Variants in CMTM8 observed in about 807,000 individuals in gnomAD.
CMTM8 encodes the protein CKLF-like MARVEL transmembrane domain-containing protein 8.
Under a neutral mutation model 18.6 loss-of-function variants are expected in CMTM8, and 12 were observed. The ratio of observed to expected loss-of-function variants is 0.65; its 90% CI spans 0.41 to 1.05. The LOEUF (loss-of-function observed/expected upper bound fraction) is 1.05. Among genes scored for constraint, CMTM8 ranks in the 50% least tolerant of loss-of-function variants. The pLI is 0.00. For synonymous variants in CMTM8, 87 were observed against 90.6 expected (o/e 0.96, Z 0.23); for missense variants, 217 against 227.2 (o/e 0.95, Z 0.29).
intron 1 of CMTM8, among the ~76,000 whole-genome samples, chr3:32,296,449 T>C (rs1455642903): frequency 6.6e-6 from 1 of 152,214 alleles, no homozygotes; most frequent in Non-Finnish European, 1.5e-5. Flanking sequence ...GAATAGGAAG[T>C]GGATACATGT....
At chr3:32,249,499 C>A (rs905431158) in intron 1 of CMTM8, among the ~76,000 whole-genome samples, 1 of 151,688 alleles carries the variant, frequency 6.6e-6, no homozygotes, top group Non-Finnish European at 1.5e-5. Context: ...TACTGCTTTA[C>A]AATCCCTGCT....
intron 1 of CMTM8, chr3:32,259,324 C>G: frequency 1.4e-6 from 1 of 723,798 alleles, no homozygotes; most frequent in Non-Finnish European, 2.6e-6. Context: ...TGGGCCATTA[C>G]TTCAAGACCA....
intron 1 of CMTM8, among the ~76,000 whole-genome samples, chr3:32,326,515 C>CTTTTTTTT (rs58555396): frequency 2.6e-4 from 29 of 113,356 alleles, no homozygotes; most frequent in Non-Finnish European, 3.6e-4. Flanking sequence ...TTCTTTCTTT[C>CTTTTTTTT]TTTTTTTTTT....
At chr3:32,258,989 G>T in intron 1 of CMTM8, 1 of 330,450 alleles carries the variant, frequency 3.0e-6, no homozygotes, top group African/African-American at 2.2e-5. Context: ...CAGTCCGTGG[G>T]CTCTGTCCAG....
At chr3:32,298,922 CACATATATATATATATATGT>C (rs1343660545) in intron 1 of CMTM8, among the ~76,000 whole-genome samples, 8 of 139,176 alleles carry the variant, frequency 5.7e-5, no homozygotes, top group Admixed American at 3.6e-4. Context: ...CATACACACA[CACATATATATATATATATGT>C]ATATATATAT....
Position 32,263,416 on chromosome 3 carries a change from A to G in CMTM8, c.147+24297A>G, listed in dbSNP as rs559610473. Reference sequence around the variant, plus strand: ...TGACTGTTAGAAGGAAAACTAACAAACAGAAAGGACATCCACACCAAAACC... The same window carrying G: ...TGACTGTTAGAAGGAAAACTAACAAGCAGAAAGGACATCCACACCAAAACC... On this transcript the variant is annotated intron_variant, in intron 1 of 3. Transcript: ENST00000307526. 8.7e-4 allele frequency among the ~76,000 whole-genome samples: 133 copies of G among 152,326 alleles called. No homozygotes were observed. In the Middle Eastern group the frequency reaches 0.017, roughly 19 times the overall value.
intron 1 of CMTM8, among the ~76,000 whole-genome samples, chr3:32,282,656 C>T (rs1369609922): frequency 6.6e-6 from 1 of 152,130 alleles, no homozygotes; most frequent in African/African-American, 2.4e-5. Flanking sequence ...CCAGAGATAT[C>T]CTGGTAAGAT....
intron 1 of CMTM8, among the ~76,000 whole-genome samples, chr3:32,301,485 A>G (rs1437454111): frequency 1.3e-5 from 2 of 152,164 alleles, no homozygotes; most frequent in Non-Finnish European, 2.9e-5. Context: ...TATATGGGCA[A>G]AAGGATTCCA....
chr3:32,357,654 A>T (rs1696842711), intron 2 of CMTM8, 108 bp downstream of exon 2: 3 of 1,141,072 alleles, frequency 2.6e-6, no homozygotes, highest in Admixed American at 2.2e-5. Context: ...AGGTGGGGCC[A>T]TACCATGGAG....
At chr3:32,368,626 A>G (rs1697092229) in intron 3 of CMTM8, among the ~76,000 whole-genome samples, 1 of 151,932 alleles carries the variant, frequency 6.6e-6, no homozygotes, top group Non-Finnish European at 1.5e-5. Flanking sequence ...ATGCCCAGCT[A>G]ATGTTTTAAC....
At chr3:32,270,200 A>T (rs1559366286) in intron 1 of CMTM8, among the ~76,000 whole-genome samples, 1 of 152,138 alleles carries the variant, frequency 6.6e-6, no homozygotes. Context: ...GATATTATAG[A>T]TGTAAGCCAC....
chr3:32,308,933 G>A (rs1695766988), intron 1 of CMTM8, among the ~76,000 whole-genome samples: 1 of 152,140 alleles, frequency 6.6e-6, no homozygotes, highest in Admixed American at 6.5e-5. Context: ...AGTCATCGTG[G>A]CAGCTCTGTA....
rs750087179 is a variant in CMTM8, at chr3:32,302,206, G to T, written c.148-55167G>T. 6.4e-4 allele frequency among the ~76,000 whole-genome samples: 98 copies of T among 152,044 alleles called. 1 individual carries two copies. Among genetic ancestry groups the T allele is most frequent in the Non-Finnish European group, 1.2e-3 (79 of 67,984 alleles). On this transcript the variant is annotated intron_variant, in intron 1 of 3. Coordinates refer to ENST00000307526, the MANE Select transcript of CMTM8 (RefSeq NM_178868.5). Reference sequence around the variant, plus strand: ...CTACTTGGAGGTGGGGGCTAAGGTGGGAGGACTGCTTGAGCCCAGGAATTG... The same window carrying T: ...CTACTTGGAGGTGGGGGCTAAGGTGTGAGGACTGCTTGAGCCCAGGAATTG...
Position 32,369,896 on chromosome 3 carries a change from C to G in CMTM8, c.451C>G (p.Leu151Val), listed in dbSNP as rs1452492470. Residue 151 changes from leucine (L) to valine (V), a missense_variant, in exon 4 of 4, where the codon CTG (leucine) becomes GTG (valine). Transcript: ENST00000307526. ...SWAASSFFAF[L>V]VTICYAGNTY... Reference sequence around the variant, plus strand: ...TTGTTTTCTCCAGTTCTTTGCCTTCCTGGTCACCATCTGCTACGCTGGAAA... The same window carrying G: ...TTGTTTTCTCCAGTTCTTTGCCTTCGTGGTCACCATCTGCTACGCTGGAAA... 6.2e-7 allele frequency: 1 copy of G among 1,608,508 alleles called. No homozygotes were observed. The highest frequency in any genetic ancestry group is 1.3e-5 in the African/African-American group (1 of 74,854).
chr3:32,345,431 T>C (rs1014536136), intron 1 of CMTM8, among the ~76,000 whole-genome samples: 2 of 152,178 alleles, frequency 1.3e-5, no homozygotes, highest in African/African-American at 4.8e-5. Context: ...GCAAGCACTT[T>C]CCTTCTATAG....
At chr3:32,369,855 CCACTT>C (rs766187665) in intron 3 of CMTM8, 24 bp from the exon 4 acceptor site, 21 of 1,504,556 alleles carry the variant, frequency 1.4e-5, no homozygotes, top group Non-Finnish European at 1.9e-5. Flanking sequence ...GCCCTAAACC[CCACTT>C]CTATTATGCT....
At chr3:32,338,041 T>G (rs1575183124) in intron 1 of CMTM8, among the ~76,000 whole-genome samples, 1 of 148,088 alleles carries the variant, frequency 6.8e-6, no homozygotes, top group Non-Finnish European at 1.5e-5. Context: ...TGGAATGCAG[T>G]GGTGCAATCT....
intron 1 of CMTM8, among the ~76,000 whole-genome samples, chr3:32,336,439 C>G (rs2125586890): frequency 6.6e-6 from 1 of 152,388 alleles, no homozygotes; most frequent in Middle Eastern, 3.4e-3. Context: ...GTCCTTAGAC[C>G]TGGCTTTCAG....
intron 1 of CMTM8, among the ~76,000 whole-genome samples, chr3:32,274,765 G>A (rs1702491357): frequency 6.6e-6 from 1 of 152,050 alleles, no homozygotes; most frequent in Admixed American, 6.5e-5. Flanking sequence ...CTTCTTTAGT[G>A]TCCTTTAGTC....
Sources: allele counts gnomAD v4.1 joint callset (sites outside exome capture counted in the v4.1 genomes callset), GRCh38; gene constraint gnomAD v4.1.1; transcripts MANE v1.5; gene names NCBI Gene and HGNC (gene_info 2026-07-23, HGNC 2026-07-21).